The following WWOX variants were observed in gnomAD, a reference collection of about 807,000 sequenced individuals.
WWOX encodes WW domain containing oxidoreductase, also known as WW domain-containing oxidoreductase.
A neutral mutation model predicts 46.2 loss-of-function variants in WWOX; 69 were observed. The observed-to-expected ratio is 1.49, with a 90% CI of 1.23 to 1.82. The LOEUF (loss-of-function observed/expected upper bound fraction) is 1.82, where lower values mean the gene tolerates loss of function less well. Ranked by LOEUF, WWOX falls within the 40% of genes most tolerant of loss-of-function variation. The pLI, the probability that WWOX is intolerant of heterozygous loss-of-function variation, is 0.00. For synonymous variants in WWOX, 359 were observed against 202.6 expected (o/e 1.77, Z -6.56); for missense variants, 919 against 542.6 (o/e 1.69, Z -6.89).
chr16:79,010,131 T>G (rs1185780854), intron 8 of WWOX, among the ~76,000 whole-genome samples: 3 of 152,200 alleles, frequency 2.0e-5, no homozygotes, highest in Admixed American at 2.0e-4. Context: ...ATGCCTAGAC[T>G]TCTTGCTTTT....
chr16:78,789,015 A>G (rs1034225945), intron 8 of WWOX, among the ~76,000 whole-genome samples: 2 of 152,190 alleles, frequency 1.3e-5, no homozygotes, highest in Non-Finnish European at 2.9e-5. Flanking sequence ...TTCTGTGGGT[A>G]GTCTTTTTAT....
intron 5 of WWOX, among the ~76,000 whole-genome samples, chr16:78,224,842 AT>A (rs1447978014): frequency 1.3e-5 from 2 of 152,222 alleles, no homozygotes; most frequent in African/African-American, 4.8e-5. Flanking sequence ...CATTTTCTTG[AT>A]TATTAGTGAA....
At chr16:78,400,226 A>G (rs2151943372) in intron 6 of WWOX, among the ~76,000 whole-genome samples, 1 of 152,344 alleles carries the variant, frequency 6.6e-6, no homozygotes, top group African/African-American at 2.4e-5. Context: ...AACCAAAAAC[A>G]GGAGGAAAAG....
intron 8 of WWOX, among the ~76,000 whole-genome samples, chr16:78,574,100 G>A (rs964577030): frequency 2.6e-5 from 4 of 152,202 alleles, no homozygotes; most frequent in Non-Finnish European, 4.4e-5. Context: ...GTTGGCTGTT[G>A]GCTGGAGGTA....
intron 8 of WWOX, among the ~76,000 whole-genome samples, chr16:78,703,377 A>T (rs894845656): frequency 6.6e-6 from 1 of 151,976 alleles, no homozygotes; most frequent in Non-Finnish European, 1.5e-5. Flanking sequence ...GCATTTTGGG[A>T]GGCTGAGGTG....
chr16:78,900,357 C>T (rs1374967525), intron 8 of WWOX, among the ~76,000 whole-genome samples: 1 of 152,136 alleles, frequency 6.6e-6, no homozygotes, highest in African/African-American at 2.4e-5. Flanking sequence ...CTCAAGTATG[C>T]ACGCTCATAT....
Position 78,778,371 on chromosome 16 carries a change from G to A in WWOX, c.1056+345619G>A, listed in dbSNP as rs188700399. On this transcript the variant is annotated intron_variant, in intron 8 of 8. Coordinates refer to ENST00000566780, the MANE Select transcript of WWOX (RefSeq NM_016373.4). ...CTGATTTACCACTTGGTAAAGGAAC[G>A]AGGTGACAGCAAGACCACAAACTAA... Among the ~76,000 whole-genome samples the A allele has an allele frequency of 3.8e-3, 580 of 152,302 alleles. 15 individuals are homozygous for A. The highest frequency in any genetic ancestry group is 0.035 in the Admixed American group (539 of 15,302).
At chr16:78,185,728 G>A (rs900099846) in intron 5 of WWOX, among the ~76,000 whole-genome samples, 5 of 152,040 alleles carry the variant, frequency 3.3e-5, no homozygotes, top group East Asian at 1.9e-4. Flanking sequence ...GTACAGTGGC[G>A]TGATCTCAGC....
intron 8 of WWOX, among the ~76,000 whole-genome samples, chr16:78,816,603 G>A (rs9927801): frequency 7.1e-6 from 1 of 140,590 alleles, no homozygotes; most frequent in East Asian, 2.1e-4. Context: ...CATCTTTTGG[G>A]TACTGAGTTG....
chr16:78,730,668 C>T (rs1019094387), intron 8 of WWOX, among the ~76,000 whole-genome samples: 4 of 147,946 alleles, frequency 2.7e-5, no homozygotes, highest in South Asian at 4.3e-4. Flanking sequence ...CTGTGTTGCC[C>T]GGGATGGTCT....
intron 8 of WWOX, chr16:78,691,280 G>T (rs1321754739): frequency 1.4e-6 from 1 of 702,060 alleles, no homozygotes; most frequent in Non-Finnish European, 2.6e-6. Context: ...ACTTCTGATT[G>T]TCAGTGACTT....
At chr16:78,147,449 C>T (rs1031692698) in intron 4 of WWOX, among the ~76,000 whole-genome samples, 6 of 151,908 alleles carry the variant, frequency 3.9e-5, no homozygotes, top group South Asian at 2.1e-4. Context: ...TGAAAAGTTG[C>T]GTCTTAAAAA....
At chr16:78,262,566 C>T (rs1442385550) in intron 5 of WWOX, among the ~76,000 whole-genome samples, 2 of 152,168 alleles carry the variant, frequency 1.3e-5, no homozygotes, top group African/African-American at 2.4e-5. Context: ...ATGACAGGCC[C>T]CTGTCCCCAG....
intron 8 of WWOX, among the ~76,000 whole-genome samples, chr16:78,962,011 C>G (rs1362673486): frequency 6.6e-6 from 1 of 152,118 alleles, no homozygotes; most frequent in African/African-American, 2.4e-5. Flanking sequence ...TCAGGACCTC[C>G]TTCCAGGCTG....
At chr16:78,962,222 G>T (rs57952943) in intron 8 of WWOX, among the ~76,000 whole-genome samples, 5,429 of 150,332 alleles carry the variant, frequency 0.036, 339 homozygotes, top group African/African-American at 0.13. Flanking sequence ...GTGATGTTAT[G>T]TGGAGGTGGC....
rs188915827 is a variant in WWOX, at chr16:78,249,308, C to T, written c.516+85019C>T. ...GCAAAGCTGCACTGCCTCACGAGGT[C>T]GCTGATGCACTCTCATTCCTTTTCC... On this transcript the variant is annotated intron_variant, in intron 5 of 8. Transcript: ENST00000566780. 1.1e-3 allele frequency among the ~76,000 whole-genome samples: 163 copies of T among 152,268 alleles called. 1 individual carries two copies. Among genetic ancestry groups the T allele is most frequent in the African/African-American group, 3.6e-3 (150 of 41,560 alleles).
chr16:78,688,152 T>C (rs576043327), intron 8 of WWOX, among the ~76,000 whole-genome samples: 56 of 152,034 alleles, frequency 3.7e-4, no homozygotes, highest in African/African-American at 1.3e-3. Flanking sequence ...GCATTTCAAA[T>C]ATAAGCTAGA....
chr16:79,159,148 A>C (rs1190733036), intron 8 of WWOX, among the ~76,000 whole-genome samples: 2 of 152,204 alleles, frequency 1.3e-5, no homozygotes, highest in Non-Finnish European at 1.5e-5. Flanking sequence ...AAAGTGAATA[A>C]AATTTTATTT....
chr16:78,696,738 T>G (rs1249124994), intron 8 of WWOX, among the ~76,000 whole-genome samples: 1 of 152,182 alleles, frequency 6.6e-6, no homozygotes, highest in Non-Finnish European at 1.5e-5. Flanking sequence ...TACTGGTGAT[T>G]GGCGAGACTT....
Sources: gnomAD v4.1 joint callset for allele counts (sites outside exome capture counted in the v4.1 genomes callset) on GRCh38, gnomAD v4.1.1 for gene constraint, MANE v1.5 for transcripts, NCBI Gene and HGNC (gene_info 2026-07-23, HGNC 2026-07-21) for gene names.